Variants in PTH1R observed in about 807,000 individuals in gnomAD.
PTH1R encodes parathyroid hormone 1 receptor.
Under a neutral mutation model 70.7 loss-of-function variants are expected in PTH1R, and 32 were observed. That is an observed-to-expected ratio of 0.45 (90% CI 0.34 to 0.61). The LOEUF (loss-of-function observed/expected upper bound fraction) is 0.61. Among genes scored for constraint, PTH1R ranks in the 20% least tolerant of loss-of-function variants. The pLI is 0.01. For synonymous variants in PTH1R, 329 were observed against 324.8 expected, an observed-to-expected ratio of 1.01 and a Z score of -0.14; for missense variants, 626 against 792.5, an observed-to-expected ratio of 0.79 and a Z score of 2.52.
rs573030660 is a variant in PTH1R at position 46,879,547 on chromosome 3, A to G, written c.-105-1515A>G. ...TGCTTGAGCCCAAGAGTTGGAGACC[A>G]GTCTAGGCAACAAAGTGAGACCTCG... is the stretch of plus-strand genomic sequence containing the variant. On this transcript the variant is annotated intron_variant, in intron 1 of 15. Coordinates refer to ENST00000449590, the MANE Select transcript of PTH1R (RefSeq NM_000316.3). This position sits in a 1 kb window ranked among gnomAD's most constrained non-coding sequence, Gnocchi z 4.7. 6.6e-6 allele frequency among the ~76,000 whole-genome samples: 1 copy of G among 152,030 alleles called. No homozygotes were observed. The highest frequency in any genetic ancestry group is 1.5e-5 in the Non-Finnish European group (1 of 67,978).
At chr3:46,877,996 T>A (rs541616884) in intron 1 of PTH1R, among the ~76,000 whole-genome samples, 153 bp downstream of exon 1, 19 of 152,308 alleles carry the variant, frequency 1.2e-4, no homozygotes, top group Admixed American at 1.0e-3. Context: ...CCTGGTGTTA[T>A]GACAGCAGGG....
chr3:46,880,104 C>T (rs2030460710), intron 1 of PTH1R: 1 of 152,238 alleles, frequency 6.6e-6, no homozygotes, highest in Non-Finnish European at 1.5e-5. Context: ...CACAAGTGTT[C>T]TTTAGGTGCC....
chr3:46,895,803 G>C lies in PTH1R; in HGVS notation c.247G>C (p.Ala83Pro), dbSNP rs200894103. The C allele has an allele frequency of 1.9e-6, 3 of 1,614,150 alleles. No individual in the cohort carries two copies. Among genetic ancestry groups the C allele is most frequent in the Non-Finnish European group, 2.5e-6 (3 of 1,180,040 alleles). ...ATCAGGGAAGCCCAGGAAAGATAAG[G>C]CATCTGGGAAGCTCTACCCTGAGTC... ...STSGKPRKDK[A>P]SGKLYPESEE... Residue 83 changes from alanine to proline, a missense_variant, in exon 5 of 16, where the codon GCA becomes CCA. Physicochemically the swap from Ala to Pro is conservative, Grantham distance 27 (BLOSUM62 -1). Transcript: ENST00000449590.
rs2031575613 is a variant in PTH1R, at chr3:46,893,889, T to A, written c.76-18T>A. 1 of 1,612,830 alleles carries A rather than the reference T, an allele frequency of 6.2e-7. No homozygotes were observed. The highest frequency in any genetic ancestry group is 8.5e-7 in the Non-Finnish European group (1 of 1,179,256). On this transcript the variant is annotated intron_variant, in intron 3 of 15. Transcript: ENST00000449590. The surrounding 1 kb of genome is among the most constrained non-coding windows in gnomAD (Gnocchi z 5.2). The stretch of plus-strand genomic sequence containing the variant: ...GCGCCGGAAAGTCCTGCCTGTGGTC[T>A]GACCTTCGGCTTGGCAGGTGGATGC...
chr3:46,903,751 A>G lies in PTH1R; in HGVS notation c.*95A>G. ...GATTTCCCACTCAGGGCTGGGGCCAAGAGGAAAAACAGGGAAAAAAAGAAA... is the reference window on the plus strand; with the variant it reads ...GATTTCCCACTCAGGGCTGGGGCCAGGAGGAAAAACAGGGAAAAAAAGAAA... On this transcript the variant is annotated 3_prime_UTR_variant, in exon 16 of 16. Coordinates refer to ENST00000449590, the MANE Select transcript of PTH1R (RefSeq NM_000316.3). This position sits in a 1 kb window ranked among gnomAD's most constrained non-coding sequence, Gnocchi z 4.4. 1 of 1,549,810 alleles carries G rather than the reference A, an allele frequency of 6.5e-7. No homozygotes were observed. The highest frequency in any genetic ancestry group is 8.7e-7 in the Non-Finnish European group (1 of 1,153,710).
chr3:46,897,427 G>A (rs2031816194), intron 5 of PTH1R, among the ~76,000 whole-genome samples: 1 of 152,186 alleles, frequency 6.6e-6, no homozygotes, highest in Non-Finnish European at 1.5e-5. Context: ...ACCTGTCCCT[G>A]CAGGAACCAA....
In PTH1R at chr3:46,902,958, G is replaced by C; in HGVS notation, c.1395+168G>C. 1 of 1,053,114 alleles carries C rather than the reference G, an allele frequency of 9.5e-7. No individual in the cohort carries two copies. The highest frequency in any genetic ancestry group is 1.3e-5 in the South Asian group (1 of 75,416). The allele number at this position is 1,053,114 out of a possible 1,614,324, so 65.2% of individuals were successfully genotyped here. ...GTCTTTCCAGATGATGCAGGTTCAG[G>C]ATGTGCTAGGATGTGGGGACTCTTC... is the stretch of plus-strand genomic sequence containing the variant. On this transcript the variant is annotated intron_variant, in intron 15 of 15. Transcript: ENST00000449590. This position sits in a 1 kb window ranked among gnomAD's most constrained non-coding sequence, Gnocchi z 5.4.
chr3:46,880,040 AAAG>A (rs1271845198), intron 1 of PTH1R, among the ~76,000 whole-genome samples: 1 of 152,220 alleles, frequency 6.6e-6, no homozygotes, highest in Non-Finnish European at 1.5e-5. Flanking sequence ...TCAAAAAAGA[AAAG>A]AAACAGAGGC....
In PTH1R at chr3:46,891,157, C is replaced by T. The variant is rs755244250; in HGVS notation, c.76-2750C>T. The stretch of plus-strand genomic sequence containing the variant: ...AGGGAGGCCAGAGGTGGGGCCACCA[C>T]CCCTATGGATGAATGAAGGAGTGTG... On this transcript the variant is annotated intron_variant, in intron 3 of 15. Coordinates refer to ENST00000449590, the MANE Select transcript of PTH1R (RefSeq NM_000316.3). This position sits in a 1 kb window ranked among gnomAD's most constrained non-coding sequence, Gnocchi z 4.3. 2.6e-5 allele frequency among the ~76,000 whole-genome samples: 4 copies of T among 152,270 alleles called. No homozygotes were observed. The highest frequency in any genetic ancestry group is 5.9e-5 in the Non-Finnish European group (4 of 68,044).
rs187585108 is a variant in PTH1R, at chr3:46,895,738, G to A, written c.182G>A (p.Ser61Asn). 52 of 1,614,108 alleles carry A rather than the reference G, an allele frequency of 3.2e-5. No homozygotes were observed. The East Asian group carries it at 8.0e-4, about 25-fold the overall frequency. Residue 61 changes from serine to asparagine, a missense_variant, in exon 5 of 16, where the codon AGC becomes AAC. Around this residue, in one of 3 missense-constraint regions of PTH1R, gnomAD observed 123 missense variants for 125.7 expected, o/e 0.98. Transcript: ENST00000449590. ...ATTACCACCCTGGTTTCTCCAGCCA[G>A]CATAATGGAATCAGACAAGGGATGG... ...RLKEVLQRPA[S>N]IMESDKGWTS...
At chr3:46,898,578 T>C in intron 8 of PTH1R, 84 bp from the exon 9 acceptor site, 2 of 1,600,160 alleles carry the variant, frequency 1.2e-6, no homozygotes, top group Non-Finnish European at 1.7e-6. Flanking sequence ...CGGGTGTCCC[T>C]ACCTACGGCG....
In PTH1R at chr3:46,896,501, G is replaced by T. The variant is rs1000189912; in HGVS notation, c.313+632G>T. 1.2e-4 allele frequency among the ~76,000 whole-genome samples: 19 copies of T among 152,242 alleles called. No individual in the cohort carries two copies. The highest frequency in any genetic ancestry group is 3.9e-4 in the Admixed American group (6 of 15,292). Reference sequence around the variant, plus strand: ...TTGGCCACAGGGCCGGTTTCAGCCGGCCGGGTGGGCAGCAGATTCCAGATG... The same window carrying T: ...TTGGCCACAGGGCCGGTTTCAGCCGTCCGGGTGGGCAGCAGATTCCAGATG... On this transcript the variant is annotated intron_variant, in intron 5 of 15. Transcript: ENST00000449590. This position sits in a 1 kb window ranked among gnomAD's most constrained non-coding sequence, Gnocchi z 4.1.
At position 46,902,699 on chromosome 3, in the gene PTH1R, G is replaced by T. The variant is rs753261068; in HGVS notation, c.1353+32G>T. The T allele has an allele frequency of 3.1e-6, 5 of 1,614,050 alleles. No homozygotes were observed. The Admixed American group carries it at 6.7e-5, about 22-fold the overall frequency. On this transcript the variant is annotated intron_variant, in intron 14 of 15. Coordinates refer to ENST00000449590, the MANE Select transcript of PTH1R (RefSeq NM_000316.3). The surrounding 1 kb of genome is among the most constrained non-coding windows in gnomAD (Gnocchi z 5.4). ...AGTGCTGGCCCGGGCCTGGCTGAGGGTGGGAGGGGTTCCGGGGGCAGGCCT... is the reference window on the plus strand; with the variant it reads ...AGTGCTGGCCCGGGCCTGGCTGAGGTTGGGAGGGGTTCCGGGGGCAGGCCT...
Position 46,902,879 on chromosome 3 carries a change from G to A in PTH1R, c.1395+89G>A. The A allele has an allele frequency of 6.4e-7, 1 of 1,554,652 alleles. No homozygotes were observed. ...GCTCATTTCTCCATTCTTCCACCCT[G>A]TTATTTCTTTGTTCCTCCAAGAACA... On this transcript the variant is annotated intron_variant, in intron 15 of 15. Coordinates refer to ENST00000449590, the MANE Select transcript of PTH1R (RefSeq NM_000316.3). This position sits in a 1 kb window ranked among gnomAD's most constrained non-coding sequence, Gnocchi z 5.4.
intron 1 of PTH1R, among the ~76,000 whole-genome samples, chr3:46,880,682 A>T (rs2030494764): frequency 6.6e-6 from 1 of 152,108 alleles, no homozygotes; most frequent in African/African-American, 2.4e-5. Flanking sequence ...AGCAGAGATC[A>T]TGCCACTGGA....
At chr3:46,887,049 G>T (rs6785670) in intron 3 of PTH1R, among the ~76,000 whole-genome samples, 2,012 of 152,058 alleles carry the variant, frequency 0.013, 46 homozygotes, top group African/African-American at 0.044. Context: ...GACCAGCCTG[G>T]CCAACATGGT....
chr3:46,902,919 C>G lies in PTH1R; in HGVS notation c.1395+129C>G. On this transcript the variant is annotated intron_variant, in intron 15 of 15. Transcript: ENST00000449590. The surrounding 1 kb of genome is among the most constrained non-coding windows in gnomAD (Gnocchi z 5.4). ...CTCCAAGAACACCCCTGAGGACATTCTGAAAGCAGAGAAGTCTTTCCAGAT... is the reference window on the plus strand; with the variant it reads ...CTCCAAGAACACCCCTGAGGACATTGTGAAAGCAGAGAAGTCTTTCCAGAT... The G allele has an allele frequency of 7.3e-7, 1 of 1,362,554 alleles. No homozygotes were observed. The highest frequency in any genetic ancestry group is 1.0e-6 in the Non-Finnish European group (1 of 964,160). The allele number at this position is 1,362,554 out of a possible 1,614,324, so 84.4% of individuals were successfully genotyped here. A position where few individuals can be genotyped will look rare whatever the true frequency, so the allele number is the denominator to read the frequency against.
In PTH1R at chr3:46,896,020, C is replaced by A; in HGVS notation, c.313+151C>A. 1 of 1,085,112 alleles carries A rather than the reference C, an allele frequency of 9.2e-7. No homozygotes were observed. The highest frequency in any genetic ancestry group is 1.3e-6 in the Non-Finnish European group (1 of 743,358). The allele number at this position is 1,085,112 out of a possible 1,614,324, so 67.2% of individuals were successfully genotyped here. A position where few individuals can be genotyped will look rare whatever the true frequency, so the allele number is the denominator to read the frequency against. ...CCCCAGGCAAGGGGCTGGGAGAAGA[C>A]AGAGTGTAGTGGGAAGGAAGGGGAG... On this transcript the variant is annotated intron_variant, in intron 5 of 15. Coordinates refer to ENST00000449590, the MANE Select transcript of PTH1R (RefSeq NM_000316.3). The surrounding 1 kb of genome is among the most constrained non-coding windows in gnomAD (Gnocchi z 4.1).
In PTH1R at chr3:46,883,923, C is replaced by G. The variant is rs1227720278; in HGVS notation, c.75+289C>G. Among the ~76,000 whole-genome samples, 1 of 152,212 alleles carries G rather than the reference C, an allele frequency of 6.6e-6. No individual in the cohort carries two copies. Among genetic ancestry groups the G allele is most frequent in the Non-Finnish European group, 1.5e-5 (1 of 68,036 alleles). On this transcript the variant is annotated intron_variant, in intron 3 of 15. Transcript: ENST00000449590. The surrounding 1 kb of genome is among the most constrained non-coding windows in gnomAD (Gnocchi z 6.4). ...TTCTGTGAGCACCATGGCTGTTTCT[C>G]CCTGGAAGATGACAGTGTGACCCAA...
Sources: gnomAD v4.1 joint callset for allele counts (sites outside exome capture counted in the v4.1 genomes callset) on GRCh38, gnomAD v4.1.1 for gene constraint, gnomAD v4.1.1 regional missense constraint, Gnocchi (gnomAD v3.1) non-coding constraint, MANE v1.5 for transcripts, NCBI Gene and HGNC (gene_info 2026-07-23, HGNC 2026-07-21) for gene names.